Variants in AFDN observed in about 807,000 individuals in gnomAD.
AFDN encodes afadin, adherens junction formation factor.
In AFDN, 68 loss-of-function variants were observed where a neutral mutation model predicts 216.6. The ratio of observed to expected loss-of-function variants is 0.31; its 90% CI spans 0.26 to 0.38. The LOEUF is 0.38. AFDN is among the 10% of genes least tolerant of loss of function. The probability of loss-of-function intolerance (pLI) is 1.00; values close to 1 mark genes in which losing one functional copy is unlikely to be tolerated. For synonymous variants in AFDN, 868 were observed against 853.7 expected, an observed-to-expected ratio of 1.02 and a Z score of -0.29; for missense variants, 2,136 against 2,342.0, an observed-to-expected ratio of 0.91 and a Z score of 1.82.
chr6:167,897,973 G>A (rs1225389434), intron 10 of AFDN, among the ~76,000 whole-genome samples: 2 of 152,066 alleles, frequency 1.3e-5, no homozygotes, highest in African/African-American at 4.8e-5. Flanking sequence ...CAAAGTTACA[G>A]TATGCCTTAA....
chr6:167,830,933 CTTTTTTTTTTTTT>C (rs71681602), intron 1 of AFDN, among the ~76,000 whole-genome samples: 4 of 79,336 alleles, frequency 5.0e-5, no homozygotes, highest in African/African-American at 1.5e-4. Flanking sequence ...ATATTTGAAA[CTTTTTTTTTTTTT>C]TTTTTTTTTT....
At chr6:167,954,569 T>C in intron 30 of AFDN, 1 of 1,352,076 alleles carries the variant, frequency 7.4e-7, no homozygotes, top group South Asian at 1.3e-5. Flanking sequence ...GGCTGTTTGA[T>C]GTTTTCAGTA....
intron 22 of AFDN, 31 bp downstream of exon 22, chr6:167,922,990 A>G: frequency 4.2e-6 from 6 of 1,436,632 alleles, no homozygotes; most frequent in Non-Finnish European, 5.9e-6. Context: ...ATGAAGTGAA[A>G]TGGATCCTTA....
At position 167,922,886 on chromosome 6, in the gene AFDN, C is replaced by T; in HGVS notation, c.2939C>T (p.Ser980Leu). The T allele has an allele frequency of 6.2e-7, 1 of 1,612,950 alleles. No individual in the cohort carries two copies. The highest frequency in any genetic ancestry group is 8.5e-7 in the Non-Finnish European group (1 of 1,179,548). ...GFCRLIPHTRSPGTWTIYFEG... is the reference protein window; with the variant it reads ...GFCRLIPHTRLPGTWTIYFEG... ...TGCAGGTTAATTCCTCACACACGTT[C>T]ACCAGGTACTTGGACAATATATTTT... Residue 980 changes from serine to leucine, a missense_variant, in exon 22 of 34, where the codon TCA becomes TTA. Around this residue, in one of 8 missense-constraint regions of AFDN, gnomAD observed 162 missense variants for 182.6 expected, o/e 0.89. Transcript: ENST00000683244.
intron 6 of AFDN, among the ~76,000 whole-genome samples, chr6:167,886,358 T>C (rs189859531): frequency 6.6e-6 from 1 of 152,308 alleles, no homozygotes; most frequent in East Asian, 1.9e-4. Context: ...TGAGAATTCA[T>C]AGATAAACAG....
At chr6:167,895,387 A>G (rs1788113057) in intron 9 of AFDN, among the ~76,000 whole-genome samples, 3 of 152,296 alleles carry the variant, frequency 2.0e-5, no homozygotes, top group South Asian at 4.1e-4. Context: ...AAAGCCCCAG[A>G]TGATTTTGAT....
At chr6:167,887,012 CAAAAAAAAA>C (rs67970460) in intron 6 of AFDN, among the ~76,000 whole-genome samples, 3 of 90,506 alleles carry the variant, frequency 3.3e-5, no homozygotes, top group African/African-American at 1.2e-4. Context: ...GAGACTGTAT[CAAAAAAAAA>C]AAAAAAAAAA....
intron 11 of AFDN, among the ~76,000 whole-genome samples, chr6:167,900,401 T>C (rs1788794903): frequency 6.6e-6 from 1 of 152,208 alleles, no homozygotes. Flanking sequence ...GATTTGTTAA[T>C]CTAGTTTACA....
intron 2 of AFDN, among the ~76,000 whole-genome samples, 189 bp from the exon 3 acceptor site, chr6:167,870,197 A>G (rs1784639216): frequency 6.6e-6 from 1 of 152,246 alleles, no homozygotes; most frequent in Non-Finnish European, 1.5e-5. Context: ...GATATGTGGT[A>G]ATAAACATAC....
intron 12 of AFDN, 81 bp downstream of exon 12, chr6:167,902,467 T>C: frequency 9.6e-7 from 1 of 1,038,886 alleles, no homozygotes; most frequent in Non-Finnish European, 1.5e-6. Flanking sequence ...GGGGGATGTG[T>C]TCCCCTTATT....
At chr6:167,902,478 T>G (rs1789111159) in intron 12 of AFDN, 92 bp downstream of exon 12, 1 of 905,882 alleles carries the variant, frequency 1.1e-6, no homozygotes, top group Non-Finnish European at 1.8e-6. Context: ...TCCCCTTATT[T>G]GTGGGGGATG....
intron 1 of AFDN, among the ~76,000 whole-genome samples, chr6:167,837,258 A>G (rs1282421160): frequency 1.3e-5 from 2 of 152,220 alleles, no homozygotes; most frequent in African/African-American, 4.8e-5. Flanking sequence ...GATACATTTA[A>G]AAAATATTTG....
At chr6:167,831,449 G>T (rs1039720231) in intron 1 of AFDN, among the ~76,000 whole-genome samples, 1 of 151,878 alleles carries the variant, frequency 6.6e-6, no homozygotes, top group African/African-American at 2.4e-5. Flanking sequence ...TGTTTGATTC[G>T]GTGTGTTCTT....
rs78858543 is a variant in AFDN at position 167,909,142 on chromosome 6, T to A, written c.1769+1853T>A. Among the ~76,000 whole-genome samples the A allele has an allele frequency of 3.9e-5, 6 of 152,262 alleles. No individual in the cohort carries two copies. In the East Asian group the frequency reaches 1.2e-3, roughly 29 times the overall value. Reference sequence around the variant, plus strand: ...TGTAAATATGGGAATGTAAGGGAGATGTGTTAAAATAATTGATCATTTAAA... The same window carrying A: ...TGTAAATATGGGAATGTAAGGGAGAAGTGTTAAAATAATTGATCATTTAAA... On this transcript the variant is annotated intron_variant, in intron 13 of 33. Coordinates refer to ENST00000683244, the MANE Select transcript of AFDN (RefSeq NM_001386888.1).
chr6:167,969,100 C>T lies in AFDN; in HGVS notation c.5258-14C>T. 1.3e-6 allele frequency: 2 copies of T among 1,598,594 alleles called. No individual in the cohort carries two copies. Among genetic ancestry groups the T allele is most frequent in the Non-Finnish European group, 8.6e-7 (1 of 1,165,924 alleles). Reference sequence around the variant, plus strand: ...TCAGGTACTTTAACTTGTACTGTTTCTTTCATGGAAAAGGACCAAACTCTT... The same window carrying T: ...TCAGGTACTTTAACTTGTACTGTTTTTTTCATGGAAAAGGACCAAACTCTT... On this transcript the variant is annotated splice_polypyrimidine_tract_variant and intron_variant, in intron 32 of 33. Transcript: ENST00000683244.
chr6:167,923,073 C>T lies in AFDN; in HGVS notation c.3012+114C>T, dbSNP rs1040251343. ...TGGTGTGATGGCAGAGTTTTAAAAT[C>T]GCTGTTAAATACTGATATTCAGAAA... On this transcript the variant is annotated intron_variant, in intron 22 of 33. Transcript: ENST00000683244. 13 of 708,896 alleles carry T rather than the reference C, an allele frequency of 1.8e-5. No homozygotes were observed. The African/African-American group carries it at 2.4e-4, about 13-fold the overall frequency. The allele number at this position is 708,896 out of a possible 1,614,324, so 43.9% of individuals were successfully genotyped here. A position where few individuals can be genotyped will look rare whatever the true frequency, so the allele number is the denominator to read the frequency against.
intron 1 of AFDN, among the ~76,000 whole-genome samples, chr6:167,850,261 G>A (rs935284946): frequency 1.1e-4 from 16 of 151,980 alleles, no homozygotes; most frequent in African/African-American, 3.9e-4. Flanking sequence ...CCCCCCTCTC[G>A]CTCATGGATG....
rs996884840 is a variant in AFDN at position 167,935,326 on chromosome 6, G to A, written c.3100-7803G>A. Among the ~76,000 whole-genome samples the A allele has an allele frequency of 1.4e-4, 21 of 152,298 alleles. No homozygotes were observed. In the East Asian group the frequency reaches 4.0e-3, roughly 29 times the overall value. The stretch of plus-strand genomic sequence containing the variant: ...CAAGATCTAAATCTTCTGCCAGTGT[G>A]TGCTACACGTTGGGTACCCTCTGAT... On this transcript the variant is annotated intron_variant, in intron 23 of 33. Transcript: ENST00000683244.
chr6:167,929,264 A>G (rs919836014), intron 23 of AFDN, among the ~76,000 whole-genome samples: 2 of 152,184 alleles, frequency 1.3e-5, no homozygotes, highest in Non-Finnish European at 2.9e-5. Flanking sequence ...AATTAACAAA[A>G]GATATTTACA....
Sources: allele counts gnomAD v4.1 joint callset (sites outside exome capture counted in the v4.1 genomes callset), GRCh38; gene constraint gnomAD v4.1.1; regional missense constraint gnomAD v4.1.1; transcripts MANE v1.5; gene names NCBI Gene and HGNC (gene_info 2026-07-23, HGNC 2026-07-21).